Variants in SLC19A3 observed in about 807,000 individuals in gnomAD.
SLC19A3 encodes solute carrier family 19 member 3, also known as thiamine transporter 2.
Under a neutral mutation model 40.2 loss-of-function variants are expected in SLC19A3, and 31 were observed. The observed-to-expected ratio is 0.77, with a 90% CI of 0.58 to 1.04. The LOEUF (loss-of-function observed/expected upper bound fraction) is 1.04, where lower values mean the gene tolerates loss of function less well. Ranked by LOEUF, SLC19A3 falls within the 50% of genes least tolerant of loss-of-function variation. The pLI is 0.00. For synonymous variants in SLC19A3, 212 were observed against 227.5 expected (o/e 0.93, Z 0.61); for missense variants, 592 against 596.7 (o/e 0.99, Z 0.08).
Position 227,702,336 on chromosome 2 carries a change from C to T in SLC19A3, c.-2-16G>A. On this transcript the variant is annotated splice_polypyrimidine_tract_variant and intron_variant, in intron 1 of 5. Transcript: ENST00000644224. The stretch of plus-strand genomic sequence containing the variant: ...CAATCCATGGCTGATCAAATGGAAA[C>T]AAAGAGAAAATTAAGTGATGCTTAT... 2 of 1,612,498 alleles carry T rather than the reference C, an allele frequency of 1.2e-6. No homozygotes were observed. The highest frequency in any genetic ancestry group is 1.7e-6 in the Non-Finnish European group (2 of 1,179,342).
chr2:227,714,790 C>T (rs1187362258), intron 1 of SLC19A3, among the ~76,000 whole-genome samples: 6 of 146,948 alleles, frequency 4.1e-5, no homozygotes, highest in African/African-American at 1.5e-4. Context: ...TGAATAACAC[C>T]TTTCCCTGAC....
intron 2 of SLC19A3, among the ~76,000 whole-genome samples, chr2:227,700,631 T>C (rs1354587965): frequency 2.0e-5 from 3 of 152,164 alleles, no homozygotes; most frequent in Non-Finnish European, 4.4e-5. Context: ...TGGAAAGATA[T>C]GGGAAAATAG....
At chr2:227,714,924 A>C (rs1237968760) in intron 1 of SLC19A3, among the ~76,000 whole-genome samples, 1 of 147,278 alleles carries the variant, frequency 6.8e-6, no homozygotes, top group Non-Finnish European at 1.5e-5. Flanking sequence ...GGTTCAAGCG[A>C]TTCTCCCACC....
chr2:227,710,467 G>C (rs755520297), intron 1 of SLC19A3, among the ~76,000 whole-genome samples: 1 of 152,080 alleles, frequency 6.6e-6, no homozygotes, highest in Non-Finnish European at 1.5e-5. Context: ...AGGCCGAGAC[G>C]GGTGGATCAC....
intron 4 of SLC19A3, among the ~76,000 whole-genome samples, chr2:227,692,289 A>G (rs1453607017): frequency 6.6e-6 from 1 of 152,242 alleles, no homozygotes. Flanking sequence ...ATGAATATTG[A>G]TGCAAAAATT....
At position 227,704,903 on chromosome 2, in the gene SLC19A3, T is replaced by A. The variant is rs566555225; in HGVS notation, c.-2-2583A>T. Among the ~76,000 whole-genome samples, 3 of 152,292 alleles carry A rather than the reference T, an allele frequency of 2.0e-5. No individual in the cohort carries two copies. In the East Asian group the frequency reaches 5.8e-4, roughly 29 times the overall value. On this transcript the variant is annotated intron_variant, in intron 1 of 5. Transcript: ENST00000644224. ...GCATTATTATTATTATTATTTGAGA[T>A]GGAGTCTCACTGTTTTGCCCAGGCT...
chr2:227,696,271 C>T (rs1695433504), intron 3 of SLC19A3, among the ~76,000 whole-genome samples, 190 bp from the exon 4 acceptor site: 2 of 152,154 alleles, frequency 1.3e-5, no homozygotes, highest in African/African-American at 4.8e-5. Flanking sequence ...CTTTTCTTTT[C>T]ACTTGCTATT....
intron 1 of SLC19A3, chr2:227,706,250 C>A (rs551883219): frequency 8.6e-5 from 101 of 1,176,024 alleles, no homozygotes; most frequent in Non-Finnish European, 1.0e-4. Context: ...GTGCTCTAAA[C>A]GTCCCTTTGC....
intron 2 of SLC19A3, among the ~76,000 whole-genome samples, chr2:227,700,299 G>A (rs1219702047): frequency 6.6e-6 from 1 of 151,958 alleles, no homozygotes; most frequent in Non-Finnish European, 1.5e-5. Flanking sequence ...AGCACCTTGG[G>A]AGGCCGAGGC....
intron 2 of SLC19A3, 130 bp downstream of exon 2, chr2:227,702,037 CAT>C (rs1221861565): frequency 1.8e-5 from 14 of 765,894 alleles, no homozygotes; most frequent in Non-Finnish European, 3.1e-5. Flanking sequence ...ATATGGGACA[CAT>C]ATTATGAAAA....
intron 1 of SLC19A3, among the ~76,000 whole-genome samples, chr2:227,706,927 C>T (rs867776153): frequency 2.6e-5 from 4 of 152,208 alleles, no homozygotes; most frequent in African/African-American, 9.7e-5. Context: ...CCACAACAGA[C>T]CTTACCTTGG....
At chr2:227,706,293 A>G in intron 1 of SLC19A3, 1 of 1,231,392 alleles carries the variant, frequency 8.1e-7, no homozygotes. Context: ...ACATGAATTG[A>G]CTTGATTTTC....
rs146949876 is a variant in SLC19A3, at chr2:227,699,153, G to C, written c.562C>G (p.Leu188Val). The C allele has an allele frequency of 5.0e-5, 80 of 1,614,186 alleles. No homozygotes were observed. In the African/African-American group the frequency reaches 1.0e-3, roughly 20 times the overall value. Residue 188 changes from leucine (L) to valine (V), a missense_variant, in exon 3 of 6, where the codon CTT becomes GTT. Leu to Val is a conservative substitution (Grantham distance 32). Transcript: ENST00000644224. ...ASVSVAFLFS[L>V]FLPMPKKSMF... ...CTTTTCTTGGGCATTGGTAGGAAAA[G>C]TGAGAAAAGGAAAGCCACGGAGACA...
intron 2 of SLC19A3, among the ~76,000 whole-genome samples, chr2:227,700,320 C>T (rs912112943): frequency 3.3e-5 from 5 of 151,814 alleles, no homozygotes; most frequent in African/African-American, 4.8e-5. Context: ...AGGCAGATCA[C>T]GAGGTCAGGA....
chr2:227,699,072 G>T lies in SLC19A3; in HGVS notation c.643C>A (p.Pro215Thr). 1 of 1,614,176 alleles carries T rather than the reference G, an allele frequency of 6.2e-7. No individual in the cohort carries two copies. The highest frequency in any genetic ancestry group is 8.5e-7 in the Non-Finnish European group (1 of 1,180,036). ...REIKKSSSVN[P>T]VLEETHEGEA... Reference sequence around the variant, plus strand: ...CCTTCGTGAGTTTCCTCTAATACTGGATTCACGCTTGATGACTTCTTTATT... The same window carrying T: ...CCTTCGTGAGTTTCCTCTAATACTGTATTCACGCTTGATGACTTCTTTATT... Residue 215 changes from proline (P) to threonine (T), a missense_variant, in exon 3 of 6, where the codon CCA becomes ACA. Transcript: ENST00000644224.
intron 3 of SLC19A3, 48 bp downstream of exon 3, chr2:227,698,688 C>G: frequency 6.5e-7 from 1 of 1,529,670 alleles, no homozygotes. Flanking sequence ...GAGGAATGGA[C>G]TTAAGCGGGT....
At chr2:227,702,553 C>T (rs1315090487) in intron 1 of SLC19A3, 13 of 493,512 alleles carry the variant, frequency 2.6e-5, no homozygotes, top group Admixed American at 2.3e-4. Flanking sequence ...GCCACCATGA[C>T]TGGATAATTT....
At position 227,718,005 on chromosome 2, in the gene SLC19A3, T is replaced by C. The variant is rs888893266; in HGVS notation, c.-65A>G. 19 of 985,004 alleles carry C rather than the reference T, an allele frequency of 1.9e-5. No homozygotes were observed. Among genetic ancestry groups the C allele is most frequent in the Middle Eastern group, 5.2e-4 (1 of 1,936 alleles). 61.0% of individuals were successfully genotyped at this position (985,004 alleles called of 1,614,324 possible). A position where few individuals can be genotyped will look rare whatever the true frequency, so the allele number is the denominator to read the frequency against. On this transcript the variant is annotated 5_prime_UTR_variant, in exon 1 of 6. Coordinates refer to ENST00000644224, the MANE Select transcript of SLC19A3 (RefSeq NM_025243.4). The stretch of plus-strand genomic sequence containing the variant: ...TGCCGCACGACCACGCACCCGCGGC[T>C]GTCGGATGGATCCAGGCGCTCTTGG...
At chr2:227,690,389 G>A (rs1415833791) in intron 4 of SLC19A3, among the ~76,000 whole-genome samples, 1 of 152,030 alleles carries the variant, frequency 6.6e-6, no homozygotes, top group Non-Finnish European at 1.5e-5. Context: ...ATGATAAAAG[G>A]GTCAATTCAG....
Sources: gnomAD v4.1 joint callset for allele counts (sites outside exome capture counted in the v4.1 genomes callset) on GRCh38, gnomAD v4.1.1 for gene constraint, MANE v1.5 for transcripts, NCBI Gene and HGNC (gene_info 2026-07-23, HGNC 2026-07-21) for gene names.